Variants in ZBTB20 observed in about 807,000 individuals in gnomAD.
The protein encoded by ZBTB20 is zinc finger and BTB domain containing 20.
Under a neutral mutation model 56.9 loss-of-function variants are expected in ZBTB20, and 9 were observed. That is an observed-to-expected ratio of 0.16 (90% CI 0.10 to 0.28). The LOEUF is 0.28. Among genes scored for constraint, ZBTB20 ranks in the 10% least tolerant of loss-of-function variants. The probability of loss-of-function intolerance (pLI) is 1.00; values close to 1 mark genes in which losing one functional copy is unlikely to be tolerated. For missense variants in ZBTB20, 655 were observed against 1,003.0 expected, an observed-to-expected ratio of 0.65 and a Z score of 4.69; for synonymous variants, 417 against 420.7, an observed-to-expected ratio of 0.99 and a Z score of 0.11.
At chr3:114,560,353 C>T (rs1379113660) in intron 6 of ZBTB20, among the ~76,000 whole-genome samples, 1 of 152,160 alleles carries the variant, frequency 6.6e-6, no homozygotes, top group Non-Finnish European at 1.5e-5. Context: ...CAGCAGCTAA[C>T]ATTTGTTGCT....
intron 3 of ZBTB20, among the ~76,000 whole-genome samples, chr3:114,910,053 AG>A (rs1433297666): frequency 6.6e-6 from 1 of 152,008 alleles, no homozygotes; most frequent in African/African-American, 2.4e-5. Context: ...ATTATAAAAA[AG>A]AAGATAGAAA....
At chr3:114,951,256 T>C (rs981663751) in intron 3 of ZBTB20, among the ~76,000 whole-genome samples, 1 of 152,148 alleles carries the variant, frequency 6.6e-6, no homozygotes, top group Non-Finnish European at 1.5e-5. Flanking sequence ...TTTTTTTCTC[T>C]GTTTTCCTGC....
intron 5 of ZBTB20, among the ~76,000 whole-genome samples, chr3:114,721,820 A>G (rs2064936208): frequency 6.6e-6 from 1 of 152,180 alleles, no homozygotes; most frequent in African/African-American, 2.4e-5. Context: ...GGGATTCTCA[A>G]TTCTGAGATT....
At chr3:114,690,922 T>C (rs1245956224) in intron 6 of ZBTB20, among the ~76,000 whole-genome samples, 1 of 152,170 alleles carries the variant, frequency 6.6e-6, no homozygotes, top group Non-Finnish European at 1.5e-5. Flanking sequence ...GGTAAGAAAT[T>C]GTATTCAACA....
intron 6 of ZBTB20, among the ~76,000 whole-genome samples, chr3:114,668,087 T>C (rs972947227): frequency 2.6e-5 from 4 of 152,078 alleles, no homozygotes; most frequent in African/African-American, 9.7e-5. Flanking sequence ...ATTATTCTTC[T>C]TCCTTAAATG....
At chr3:114,463,171 T>C (rs1296090610) in intron 7 of ZBTB20, among the ~76,000 whole-genome samples, 1 of 152,230 alleles carries the variant, frequency 6.6e-6, no homozygotes, top group Non-Finnish European at 1.5e-5. Flanking sequence ...TTACAAATTG[T>C]TCTGAAGATC....
intron 6 of ZBTB20, among the ~76,000 whole-genome samples, chr3:114,596,230 A>C (rs2056304263): frequency 6.6e-6 from 1 of 152,190 alleles, no homozygotes; most frequent in Non-Finnish European, 1.5e-5. Context: ...CCTAAGCAAA[A>C]ATACAAACAA....
intron 6 of ZBTB20, among the ~76,000 whole-genome samples, chr3:114,646,793 G>A (rs1267345783): frequency 6.6e-6 from 1 of 152,132 alleles, no homozygotes; most frequent in African/African-American, 2.4e-5. Context: ...ACTGGCAAAC[G>A]TTGGAAGATA....
intron 4 of ZBTB20, among the ~76,000 whole-genome samples, chr3:114,868,239 A>T (rs1236767703): frequency 6.6e-6 from 1 of 152,200 alleles, no homozygotes; most frequent in East Asian, 1.9e-4. Context: ...AAAATCCCCA[A>T]AGTAACCACA....
chr3:114,614,301 T>C (rs963775854), intron 6 of ZBTB20, among the ~76,000 whole-genome samples: 5 of 152,182 alleles, frequency 3.3e-5, no homozygotes, highest in Non-Finnish European at 7.3e-5. Flanking sequence ...TGGGGTAACA[T>C]ATATCAGAGA....
chr3:114,592,346 C>T (rs900929367), intron 6 of ZBTB20, among the ~76,000 whole-genome samples: 5 of 152,114 alleles, frequency 3.3e-5, no homozygotes, highest in African/African-American at 7.2e-5. Context: ...ATTATCAAGG[C>T]GTTGTGTCCT....
At chr3:114,888,839 T>G (rs940373891) in intron 4 of ZBTB20, among the ~76,000 whole-genome samples, 1 of 152,154 alleles carries the variant, frequency 6.6e-6, no homozygotes, top group African/African-American at 2.4e-5. Flanking sequence ...TAAGCCATTA[T>G]AGAAGCAACA....
chr3:114,580,804 G>A (rs1194702071), intron 6 of ZBTB20, among the ~76,000 whole-genome samples: 1 of 151,840 alleles, frequency 6.6e-6, no homozygotes, highest in Non-Finnish European at 1.5e-5. Context: ...ATATGAAGAT[G>A]ATCACAAATA....
intron 5 of ZBTB20, among the ~76,000 whole-genome samples, chr3:114,753,581 T>C (rs2067773485): frequency 6.6e-6 from 1 of 151,644 alleles, no homozygotes; most frequent in Non-Finnish European, 1.5e-5. Flanking sequence ...ATTACAGGCA[T>C]GTGCTACCAC....
intron 5 of ZBTB20, among the ~76,000 whole-genome samples, chr3:114,795,715 C>T (rs1427732274): frequency 3.3e-5 from 5 of 152,056 alleles, no homozygotes; most frequent in African/African-American, 1.2e-4. Flanking sequence ...TTTATGTGGA[C>T]CACAGCTTGT....
intron 7 of ZBTB20, among the ~76,000 whole-genome samples, chr3:114,493,345 T>C (rs1054138152): frequency 2.0e-5 from 3 of 152,228 alleles, no homozygotes; most frequent in Non-Finnish European, 4.4e-5. Flanking sequence ...TGGTGTAACA[T>C]AATGTACAGG....
In ZBTB20 at chr3:114,497,384, T is replaced by C. The variant is rs943763553; in HGVS notation, c.-255+2968A>G. The stretch of plus-strand genomic sequence containing the variant: ...ATGGCAGGCAAGGTCCCCTGCCTGC[T>C]TTCCAGCCCAATCTCATACTACTCT... On this transcript the variant is annotated intron_variant, in intron 7 of 11. Transcript: ENST00000675478. Among the ~76,000 whole-genome samples the C allele has an allele frequency of 2.0e-5, 3 of 152,330 alleles. 1 individual carries two copies. The highest frequency in any genetic ancestry group is 2.9e-5 in the Non-Finnish European group (2 of 68,030).
At chr3:114,645,181 A>G (rs548829954) in intron 6 of ZBTB20, among the ~76,000 whole-genome samples, 38 of 152,282 alleles carry the variant, frequency 2.5e-4, no homozygotes, top group Non-Finnish European at 4.6e-4. Context: ...ATTGTAGGAG[A>G]CTATATTGGC....
chr3:114,847,572 C>T (rs1030783814), intron 4 of ZBTB20, among the ~76,000 whole-genome samples: 6 of 152,094 alleles, frequency 3.9e-5, no homozygotes, highest in Non-Finnish European at 7.4e-5. Context: ...AGGGCCTTTT[C>T]GTGGGACCAG....
Sources: gnomAD v4.1 joint callset for allele counts (sites outside exome capture counted in the v4.1 genomes callset) on GRCh38, gnomAD v4.1.1 for gene constraint, MANE v1.5 for transcripts, NCBI Gene and HGNC (gene_info 2026-07-23, HGNC 2026-07-21) for gene names.